CAMKMT: variants seen among roughly 807,000 people sequenced by gnomAD.
CAMKMT encodes the protein calmodulin-lysine N-methyltransferase.
A neutral mutation model predicts 48.0 loss-of-function variants in CAMKMT; 53 were observed. That is an observed-to-expected ratio of 1.10 (90% confidence interval 0.89 to 1.39). The LOEUF (loss-of-function observed/expected upper bound fraction) is 1.39, where lower values mean the gene tolerates loss of function less well. Among genes scored for constraint, CAMKMT ranks in the 40% most tolerant of loss-of-function variants. The pLI is 0.00. For synonymous variants in CAMKMT, 165 were observed against 152.3 expected (o/e 1.08, Z -0.61); for missense variants, 428 against 402.7 (o/e 1.06, Z -0.54).
At position 44,704,234 on chromosome 2, in the gene CAMKMT, A is replaced by G. The variant is rs747416831; in HGVS notation, c.377-49A>G. Reference sequence around the variant, plus strand: ...ACATTATTTTTAAAAGCCGTTTCTTAAAAGAATGACTTCTATAATCAAAAG... The same window carrying G: ...ACATTATTTTTAAAAGCCGTTTCTTGAAAGAATGACTTCTATAATCAAAAG... On this transcript the variant is annotated intron_variant, in intron 3 of 10. Transcript: ENST00000378494. 2.7e-6 allele frequency: 4 copies of G among 1,490,590 alleles called. No homozygotes were observed. The South Asian group carries it at 3.7e-5, about 14-fold the overall frequency. The allele number at this position is 1,490,590 out of a possible 1,614,324, so 92.3% of individuals were successfully genotyped here.
intron 3 of CAMKMT, among the ~76,000 whole-genome samples, chr2:44,537,621 A>G (rs1421455583): frequency 3.9e-5 from 6 of 151,960 alleles, no homozygotes; most frequent in South Asian, 4.1e-4. Context: ...GCTGAGTGCA[A>G]TGGTGCAATT....
chr2:44,755,432 G>C (rs1344875646), intron 9 of CAMKMT, among the ~76,000 whole-genome samples: 1 of 152,056 alleles, frequency 6.6e-6, no homozygotes, highest in Non-Finnish European at 1.5e-5. Context: ...GATTTTCAGG[G>C]GCGGCTCAAG....
chr2:44,551,397 G>A (rs989392134), intron 3 of CAMKMT, among the ~76,000 whole-genome samples: 2 of 152,176 alleles, frequency 1.3e-5, no homozygotes, highest in South Asian at 4.1e-4. Flanking sequence ...GGAATTGTGC[G>A]TGTTGCCCTT....
At chr2:44,597,642 A>G (rs1670739214) in intron 3 of CAMKMT, among the ~76,000 whole-genome samples, 1 of 152,234 alleles carries the variant, frequency 6.6e-6, no homozygotes, top group Admixed American at 6.5e-5. Context: ...AATAAAATCC[A>G]AAAAGCAATT....
At chr2:44,607,958 A>G (rs977007177) in intron 3 of CAMKMT, among the ~76,000 whole-genome samples, 30 of 151,860 alleles carry the variant, frequency 2.0e-4, no homozygotes, top group Middle Eastern at 3.4e-3. Context: ...ATCTCCATTC[A>G]CCACCCTTCT....
At chr2:44,673,427 TAAA>T (rs74625457) in intron 3 of CAMKMT, among the ~76,000 whole-genome samples, 4 of 111,436 alleles carry the variant, frequency 3.6e-5, no homozygotes, top group Non-Finnish European at 3.6e-5. Flanking sequence ...AGACCCTGTT[TAAA>T]AAAAAAAAAA....
At chr2:44,725,505 A>T (rs1339171500) in intron 7 of CAMKMT, among the ~76,000 whole-genome samples, 6 of 152,194 alleles carry the variant, frequency 3.9e-5, no homozygotes, top group Non-Finnish European at 7.3e-5. Context: ...AATTGAGTTA[A>T]CCATGCTATG....
intron 3 of CAMKMT, among the ~76,000 whole-genome samples, chr2:44,418,192 C>CAAAAAA (rs70965353): frequency 3.4e-4 from 41 of 118,856 alleles, no homozygotes; most frequent in Non-Finnish European, 5.6e-4. Flanking sequence ...AACTCTGTCT[C>CAAAAAA]AAAAAAAAAA....
intron 3 of CAMKMT, among the ~76,000 whole-genome samples, chr2:44,525,888 A>G (rs1671379086): frequency 6.6e-6 from 1 of 152,044 alleles, no homozygotes; most frequent in Non-Finnish European, 1.5e-5. Flanking sequence ...TTTAAGTTTT[A>G]GGGTACATGT....
At chr2:44,363,302 A>T (rs912430551) in intron 1 of CAMKMT, among the ~76,000 whole-genome samples, 1 of 152,156 alleles carries the variant, frequency 6.6e-6, no homozygotes, top group African/African-American at 2.4e-5. Context: ...TAAAGTAAAT[A>T]TCTAATTTTT....
At chr2:44,384,500 C>CTTTTT (rs141017634) in intron 2 of CAMKMT, among the ~76,000 whole-genome samples, 18 of 95,840 alleles carry the variant, frequency 1.9e-4, no homozygotes, top group Admixed American at 3.3e-4. Context: ...AGCTATTTAT[C>CTTTTT]TTTTTTTTTT....
At chr2:44,511,374 C>A (rs969070369) in intron 3 of CAMKMT, among the ~76,000 whole-genome samples, 1 of 152,298 alleles carries the variant, frequency 6.6e-6, no homozygotes, top group East Asian at 1.9e-4. Context: ...CTGCAACCTC[C>A]GCCTACTAGG....
intron 3 of CAMKMT, among the ~76,000 whole-genome samples, chr2:44,416,256 AT>A (rs1214513833): frequency 2.6e-5 from 4 of 152,174 alleles, no homozygotes; most frequent in Admixed American, 2.0e-4. Context: ...TTTAAAAGTA[AT>A]GTATGATTTA....
chr2:44,501,677 A>G (rs1670013993), intron 3 of CAMKMT, among the ~76,000 whole-genome samples: 2 of 152,160 alleles, frequency 1.3e-5, no homozygotes, highest in Admixed American at 1.3e-4. Flanking sequence ...CTCAGGAAAT[A>G]TTTTTATAGG....
intron 3 of CAMKMT, among the ~76,000 whole-genome samples, chr2:44,600,510 C>A (rs1354027558): frequency 6.6e-6 from 1 of 152,068 alleles, no homozygotes; most frequent in African/African-American, 2.4e-5. Flanking sequence ...CTCAAGCCAT[C>A]CTTCGACCTC....
intron 3 of CAMKMT, among the ~76,000 whole-genome samples, chr2:44,546,862 A>G (rs527920280): frequency 6.6e-6 from 1 of 152,346 alleles, no homozygotes; most frequent in East Asian, 1.9e-4. Flanking sequence ...GATACAGTGT[A>G]GTGCACACTG....
chr2:44,386,403 C>G (rs1267396886), intron 2 of CAMKMT, among the ~76,000 whole-genome samples: 2 of 151,990 alleles, frequency 1.3e-5, no homozygotes, highest in East Asian at 3.8e-4. Context: ...TTTCTCTCTT[C>G]TTTTCTTGGT....
chr2:44,675,353 A>G (rs990046203), intron 3 of CAMKMT, among the ~76,000 whole-genome samples: 2 of 152,130 alleles, frequency 1.3e-5, no homozygotes, highest in African/African-American at 2.4e-5. Context: ...CATCTCTGCA[A>G]TCTTTCACAT....
intron 3 of CAMKMT, among the ~76,000 whole-genome samples, chr2:44,652,605 C>T (rs1432843300): frequency 2.6e-5 from 4 of 152,068 alleles, no homozygotes; most frequent in African/African-American, 7.3e-5. Flanking sequence ...CCACCACTGC[C>T]TCCCCCTCTC....
Sources: allele counts gnomAD v4.1 joint callset (sites outside exome capture counted in the v4.1 genomes callset), GRCh38; gene constraint gnomAD v4.1.1; transcripts MANE v1.5; gene names NCBI Gene and HGNC (gene_info 2026-07-23, HGNC 2026-07-21).